FANCD2: variants seen among roughly 807,000 people sequenced by gnomAD.
The protein encoded by FANCD2 is Fanconi anemia group D2 protein.
FANCD2 carries 131 observed loss-of-function variants against 192.3 expected under a neutral mutation model. The ratio of observed to expected loss-of-function variants is 0.68; its 90% CI spans 0.59 to 0.79. The LOEUF is 0.79. FANCD2 is among the 30% of genes least tolerant of loss of function. FANCD2 has a pLI of 0.00. For synonymous variants in FANCD2, 524 were observed against 612.5 expected (o/e 0.86, Z 2.13); for missense variants, 1,508 against 1,701.6 (o/e 0.89, Z 2.00).
At chr3:10,071,258 C>G (rs575860305) in intron 26 of FANCD2, among the ~76,000 whole-genome samples, 3 of 151,466 alleles carry the variant, frequency 2.0e-5, no homozygotes, top group African/African-American at 7.3e-5. Context: ...TCAATTAGTA[C>G]AAGCACTATG....
Position 10,035,291 on chromosome 3 carries a change from A to C in FANCD2, c.438+58A>C, listed in dbSNP as rs17032276. ...TGGAAGAGGTTTGTGGTGTATGCTC[A>C]AGTCTAAATAGCGGGAACACAGGAT... is the stretch of plus-strand genomic sequence containing the variant. On this transcript the variant is annotated intron_variant, in intron 6 of 43. Coordinates refer to ENST00000675286, the MANE Select transcript of FANCD2 (RefSeq NM_001018115.3). 0.17 allele frequency: 241,790 copies of C among 1,433,644 alleles called. 21,818 individuals are homozygous for C. Among genetic ancestry groups the C allele is most frequent in the African/African-American group, 0.32 (23,141 of 71,504 alleles). 88.8% of individuals were successfully genotyped at this position (1,433,644 alleles called of 1,614,324 possible). A position where few individuals can be genotyped will look rare whatever the true frequency, so the allele number is the denominator to read the frequency against.
At chr3:10,034,918 C>T in intron 5 of FANCD2, 120 bp downstream of exon 5, 1 of 826,942 alleles carries the variant, frequency 1.2e-6, no homozygotes, top group Non-Finnish European at 2.0e-6. Flanking sequence ...CTGTTTTCCT[C>T]AGAGTTTAAA....
intron 34 of FANCD2, 106 bp downstream of exon 34, chr3:10,087,370 C>T (rs2125073917): frequency 1.8e-6 from 2 of 1,106,850 alleles, no homozygotes; most frequent in South Asian, 2.9e-5. Flanking sequence ...TGTAAATCCC[C>T]ACATAACCTT....
intron 43 of FANCD2, chr3:10,099,130 G>A (rs974324358): frequency 6.8e-7 from 1 of 1,479,890 alleles, no homozygotes; most frequent in African/African-American, 1.4e-5. Context: ...AGTCATCGAA[G>A]TATTTTCTGA....
chr3:10,083,425 G>C (rs369844298), intron 32 of FANCD2: 1 of 152,232 alleles, frequency 6.6e-6, no homozygotes, highest in Non-Finnish European at 1.5e-5. Context: ...AGCATGCCAA[G>C]TGTTGGTGAG....
At chr3:10,049,760 A>G (rs2087142151) in intron 17 of FANCD2, among the ~76,000 whole-genome samples, 1 of 152,226 alleles carries the variant, frequency 6.6e-6, no homozygotes, top group African/African-American at 2.4e-5. Context: ...TAAATACAAC[A>G]TGGTGAATTC....
In FANCD2 at chr3:10,060,305, C is replaced by T. The variant is rs2125026611; in HGVS notation, c.1668C>T (p.His556=). 1 of 1,611,022 alleles carries T rather than the reference C, an allele frequency of 6.2e-7. No homozygotes were observed. Residue 556 remains histidine, a synonymous_variant, in exon 19 of 44, where the codon CAC becomes CAT. Transcript: ENST00000675286. ...TCATCTCATTGCAGGATGACATGCA[C>T]TTGGTGATAAGAAAGCAGCTCTCTA... The part of the protein sequence containing the change: ...EASSHIQDDM[H]LVIRKQLSST...
chr3:10,093,350 A>T (rs56402413), intron 39 of FANCD2, 27 bp downstream of exon 39: 1 of 1,582,112 alleles, frequency 6.3e-7, no homozygotes, highest in African/African-American at 1.3e-5. Flanking sequence ...GCCCTGTTTC[A>T]TATTTATTCT....
intron 29 of FANCD2, among the ~76,000 whole-genome samples, chr3:10,075,905 T>C (rs1693511864): frequency 1.3e-5 from 2 of 151,726 alleles, no homozygotes; most frequent in African/African-American, 4.8e-5. Context: ...TAATTTTTTG[T>C]ATTTTTAATA....
chr3:10,099,622 G>A (rs1695185068), intron 43 of FANCD2: 1 of 154,700 alleles, frequency 6.5e-6, no homozygotes, highest in African/African-American at 2.4e-5. Flanking sequence ...GCTGGGTGTG[G>A]TGGCACGTGC....
chr3:10,075,420 C>T (rs35438680), intron 29 of FANCD2, among the ~76,000 whole-genome samples: 19 of 152,248 alleles, frequency 1.2e-4, no homozygotes, highest in Admixed American at 8.5e-4. Context: ...CTCCTGACCT[C>T]GTGATCACCC....
chr3:10,039,990 C>T, intron 9 of FANCD2, 145 bp downstream of exon 9: 3 of 705,164 alleles, frequency 4.3e-6, no homozygotes, highest in Non-Finnish European at 4.5e-6. Context: ...TGGGATTTGA[C>T]TTAAAAAAAA....
intron 18 of FANCD2, chr3:10,058,017 T>C (rs765471096): frequency 6.1e-5 from 28 of 457,294 alleles, no homozygotes; most frequent in Non-Finnish European, 9.7e-5. Context: ...AAGTTTGCCC[T>C]TTCTGCCTTC....
Position 10,088,493 on chromosome 3 carries a change from G to T in FANCD2, c.3511G>T (p.Asp1171Tyr). The T allele has an allele frequency of 1.2e-6, 2 of 1,613,056 alleles. No homozygotes were observed. The highest frequency in any genetic ancestry group is 1.1e-5 in the South Asian group (1 of 91,062). ...QFLCRVWPSGDKEKSNISNDQ... is the reference protein window; with the variant it reads ...QFLCRVWPSGYKEKSNISNDQ... ...CCTCTGTCGGGTGTGGCCAAGTGGG[G>T]ATAAAGAGAAGAGCAACATCTCTAA... The change falls in exon 35 of 44, where the codon GAT (aspartate) becomes TAT (tyrosine). Residue 1171 changes from aspartate to tyrosine, a missense_variant. By Grantham distance (160) the Asp-to-Tyr change is radical. Transcript: ENST00000675286.
At position 10,075,915 on chromosome 3, in the gene FANCD2, A is replaced by G. The variant is rs373685514; in HGVS notation, c.2859+1242A>G. 7.2e-5 allele frequency among the ~76,000 whole-genome samples: 11 copies of G among 151,764 alleles called. 1 individual carries two copies. The East Asian group carries it at 9.8e-4, about 14-fold the overall frequency. On this transcript the variant is annotated intron_variant, in intron 29 of 43. Transcript: ENST00000675286. ...CTGGCTAATTTTTTGTATTTTTAAT[A>G]GAGACGAGGTTTCACCGTTGTTAGC... is the stretch of plus-strand genomic sequence containing the variant.
At chr3:10,081,010 A>G (rs545659833) in intron 30 of FANCD2, 90 bp from the exon 31 acceptor site, 155 of 1,403,960 alleles carry the variant, frequency 1.1e-4, no homozygotes, top group South Asian at 4.4e-4. Flanking sequence ...CTACCTGGTG[A>G]CACAGGTTTG....
Position 10,097,399 on chromosome 3 carries a change from G to A in FANCD2, c.4185+927G>A, listed in dbSNP as rs562159676. On this transcript the variant is annotated intron_variant, in intron 42 of 43. Transcript: ENST00000675286. The stretch of plus-strand genomic sequence containing the variant: ...TCGACCATAAGAGACAGGTACACCC[G>A]GGGGGGCCCAGTTCAGAGACCTACC... Among the ~76,000 whole-genome samples the A allele has an allele frequency of 1.8e-4, 27 of 152,088 alleles. No homozygotes were observed. In the East Asian group the frequency reaches 4.1e-3, roughly 23 times the overall value.
intron 21 of FANCD2, among the ~76,000 whole-genome samples, 160 bp from the exon 22 acceptor site, chr3:10,064,196 A>G (rs2347581): frequency 6.6e-6 from 1 of 151,688 alleles, no homozygotes; most frequent in East Asian, 1.9e-4. Context: ...AGTGCTTTTT[A>G]TGCACTCTCT....
intron 17 of FANCD2, among the ~76,000 whole-genome samples, chr3:10,051,910 A>C (rs1281400661): frequency 6.6e-6 from 1 of 152,178 alleles, no homozygotes; most frequent in African/African-American, 2.4e-5. Flanking sequence ...TAGAGAAAGG[A>C]GAAATAATTC....
Sources: gnomAD v4.1 joint callset for allele counts (sites outside exome capture counted in the v4.1 genomes callset) on GRCh38, gnomAD v4.1.1 for gene constraint, MANE v1.5 for transcripts, NCBI Gene and HGNC (gene_info 2026-07-23, HGNC 2026-07-21) for gene names.